Variants in MYT1L observed in about 807,000 individuals in gnomAD.
MYT1L encodes myelin transcription factor 1-like protein.
Under a neutral mutation model 126.7 loss-of-function variants are expected in MYT1L, and 12 were observed. The observed-to-expected ratio is 0.09, with a 90% CI of 0.06 to 0.15. The LOEUF (loss-of-function observed/expected upper bound fraction) is 0.15. MYT1L is among the 10% of genes least tolerant of loss of function. The probability of loss-of-function intolerance (pLI) is 1.00; values close to 1 mark genes in which losing one functional copy is unlikely to be tolerated. For missense variants in MYT1L, 979 were observed against 1,585.2 expected, an observed-to-expected ratio of 0.62 and a Z score of 6.49; for synonymous variants, 541 against 604.2, an observed-to-expected ratio of 0.90 and a Z score of 1.53.
intron 2 of MYT1L, among the ~76,000 whole-genome samples, chr2:2,180,239 T>A (rs573441669): frequency 1.3e-5 from 2 of 152,320 alleles, no homozygotes; most frequent in East Asian, 3.9e-4. Context: ...AAGGAACTCA[T>A]GGCTCCTTGA....
At chr2:2,177,727 AACTC>A (rs1367912252) in intron 2 of MYT1L, among the ~76,000 whole-genome samples, 2 of 152,154 alleles carry the variant, frequency 1.3e-5, no homozygotes, top group Non-Finnish European at 2.9e-5. Flanking sequence ...ATCTTATGAG[AACTC>A]ACTCACTATC....
chr2:2,304,264 G>T (rs888795109), intron 1 of MYT1L, among the ~76,000 whole-genome samples: 4 of 152,188 alleles, frequency 2.6e-5, no homozygotes, highest in Non-Finnish European at 5.9e-5. Flanking sequence ...TCTGGTGTTG[G>T]GTAAAGTAAT....
intron 21 of MYT1L, among the ~76,000 whole-genome samples, chr2:1,812,608 T>G (rs1303947705): frequency 1.3e-5 from 2 of 151,960 alleles, no homozygotes; most frequent in South Asian, 2.1e-4. Context: ...CCGGGCGCGG[T>G]GGTTCATGCC....
chr2:2,219,357 T>C (rs2093786517), intron 2 of MYT1L, among the ~76,000 whole-genome samples: 1 of 152,176 alleles, frequency 6.6e-6, no homozygotes, highest in African/African-American at 2.4e-5. Flanking sequence ...AGACACTGCC[T>C]CCAGCTGTAA....
chr2:2,177,844 G>A (rs897689716), intron 2 of MYT1L, among the ~76,000 whole-genome samples: 4 of 152,072 alleles, frequency 2.6e-5, no homozygotes, highest in African/African-American at 7.2e-5. Context: ...ATAAGATTTG[G>A]GTGGGGACAC....
At chr2:2,072,630 G>T (rs11127379) in intron 3 of MYT1L, among the ~76,000 whole-genome samples, 1 of 152,152 alleles carries the variant, frequency 6.6e-6, no homozygotes, top group East Asian at 1.9e-4. Context: ...GCGCAAATCC[G>T]ATCTCCAATT....
Position 1,910,387 on chromosome 2 carries a change from A to C in MYT1L, c.1710-40T>G, listed in dbSNP as rs1317095273. On this transcript the variant is annotated intron_variant, in intron 12 of 24. Transcript: ENST00000647738. This position sits in a 1 kb window ranked among gnomAD's most constrained non-coding sequence, Gnocchi z 4.8. ...AGCGGGTTGAATGGTCCCGCCTCAA[A>C]CACCTTCACAGCACACTAATCCTCC... The C allele has an allele frequency of 6.5e-7, 1 of 1,533,076 alleles. No homozygotes were observed. Among genetic ancestry groups the C allele is most frequent in the East Asian group, 2.2e-5 (1 of 44,554 alleles). 95.0% of individuals were successfully genotyped at this position (1,533,076 alleles called of 1,614,324 possible).
At chr2:1,984,710 C>T (rs1024904525) in intron 5 of MYT1L, among the ~76,000 whole-genome samples, 6 of 151,718 alleles carry the variant, frequency 4.0e-5, no homozygotes, top group African/African-American at 9.7e-5. Context: ...AGGGTTTCAC[C>T]GTGTTAGCCA....
intron 3 of MYT1L, among the ~76,000 whole-genome samples, chr2:2,146,749 G>A (rs182466281): frequency 1.7e-4 from 26 of 152,176 alleles, no homozygotes; most frequent in African/African-American, 3.6e-4. Context: ...TGCAATTTTC[G>A]TAGATTAATC....
intron 8 of MYT1L, among the ~76,000 whole-genome samples, chr2:1,959,957 A>G (rs923197536): frequency 1.3e-5 from 2 of 152,232 alleles, no homozygotes; most frequent in African/African-American, 2.4e-5. Context: ...TCTTATTTAT[A>G]TATTTTCAGT....
At chr2:2,265,299 C>T (rs1040361598) in intron 2 of MYT1L, among the ~76,000 whole-genome samples, 11 of 151,722 alleles carry the variant, frequency 7.3e-5, no homozygotes, top group Admixed American at 6.6e-5. Context: ...TGAGCCACCG[C>T]GCCTGGCCCA....
At chr2:1,934,199 C>T (rs1026837163) in intron 9 of MYT1L, among the ~76,000 whole-genome samples, 2 of 151,256 alleles carry the variant, frequency 1.3e-5, no homozygotes, top group South Asian at 2.1e-4. Flanking sequence ...TGGTCTCGAT[C>T]TCCTGACCTC....
At chr2:2,188,149 C>T (rs2092340605) in intron 2 of MYT1L, among the ~76,000 whole-genome samples, 1 of 152,152 alleles carries the variant, frequency 6.6e-6, no homozygotes, top group African/African-American at 2.4e-5. Context: ...TGCACACACA[C>T]ATACACTTCC....
chr2:2,166,810 AGTTT>A (rs1417840578), intron 3 of MYT1L, among the ~76,000 whole-genome samples: 1 of 152,174 alleles, frequency 6.6e-6, no homozygotes, highest in Admixed American at 6.6e-5. Context: ...ACATTTTTTT[AGTTT>A]GTCTATCCTA....
intron 8 of MYT1L, among the ~76,000 whole-genome samples, chr2:1,972,450 T>C (rs925146925): frequency 1.3e-5 from 2 of 152,236 alleles, no homozygotes; most frequent in African/African-American, 4.8e-5. Context: ...GGAACTCCTA[T>C]TTTTCTCTCT....
chr2:2,181,433 T>C (rs1335692878), intron 2 of MYT1L, among the ~76,000 whole-genome samples: 1 of 152,016 alleles, frequency 6.6e-6, no homozygotes, highest in Non-Finnish European at 1.5e-5. Context: ...TTTCAGAGAG[T>C]CCTTGGGAAG....
At chr2:1,911,003 G>C (rs1050746705) in intron 12 of MYT1L, among the ~76,000 whole-genome samples, 3 of 152,136 alleles carry the variant, frequency 2.0e-5, no homozygotes, top group African/African-American at 7.2e-5. Context: ...CTGCTCTGTG[G>C]GTGTCTACAT....
chr2:2,201,926 G>A (rs1030122060), intron 2 of MYT1L, among the ~76,000 whole-genome samples: 2 of 152,072 alleles, frequency 1.3e-5, no homozygotes, highest in African/African-American at 4.8e-5. Context: ...AGAAAAATAA[G>A]CATTACTATA....
At chr2:1,883,672 C>T (rs762303403) in intron 18 of MYT1L, among the ~76,000 whole-genome samples, 5 of 152,238 alleles carry the variant, frequency 3.3e-5, no homozygotes, top group Middle Eastern at 3.4e-3. Context: ...TACAAGGTGA[C>T]GGTGAACTCC....
Sources: allele counts gnomAD v4.1 joint callset (sites outside exome capture counted in the v4.1 genomes callset), GRCh38; gene constraint gnomAD v4.1.1; non-coding constraint Gnocchi (gnomAD v3.1); transcripts MANE v1.5; gene names NCBI Gene and HGNC (gene_info 2026-07-23, HGNC 2026-07-21).